Variants in RPS6KA2 observed in about 807,000 individuals in gnomAD.
The protein encoded by RPS6KA2 is ribosomal protein S6 kinase A2.
In RPS6KA2, 42 loss-of-function variants were observed where a neutral mutation model predicts 91.8. That is an observed-to-expected ratio of 0.46 (90% CI 0.36 to 0.59). The LOEUF is 0.59. Ranked by LOEUF, RPS6KA2 falls within the 20% of genes least tolerant of loss-of-function variation. The pLI is 0.00. For synonymous variants in RPS6KA2, 414 were observed against 393.6 expected (o/e 1.05, Z -0.61); for missense variants, 798 against 978.5 (o/e 0.82, Z 2.46).
intron 1 of RPS6KA2, among the ~76,000 whole-genome samples, chr6:166,597,561 G>T (rs1208403559): frequency 6.6e-6 from 1 of 152,186 alleles, no homozygotes; most frequent in Non-Finnish European, 1.5e-5. Flanking sequence ...AATAAAGATA[G>T]AGGAGACATT....
chr6:166,742,586 C>T (rs776851176), intron 2 of RPS6KA2, among the ~76,000 whole-genome samples: 3 of 152,130 alleles, frequency 2.0e-5, no homozygotes, highest in Non-Finnish European at 2.9e-5. Context: ...GAGGGGAGGA[C>T]GGCTCTAAGC....
chr6:166,776,327 G>C (rs1405506814), intron 2 of RPS6KA2, among the ~76,000 whole-genome samples: 1 of 152,250 alleles, frequency 6.6e-6, no homozygotes, highest in East Asian at 1.9e-4. Flanking sequence ...CTGGAAGAGA[G>C]AGAATGGAGT....
At chr6:166,686,932 G>A (rs950005891) in intron 2 of RPS6KA2, among the ~76,000 whole-genome samples, 1 of 152,224 alleles carries the variant, frequency 6.6e-6, no homozygotes, top group Non-Finnish European at 1.5e-5. Flanking sequence ...AGGGGTGAGG[G>A]GAGAATAGGA....
At chr6:166,636,533 CTCCTCCTCCTCCTCCTTCTCCTCT>C in intron 2 of RPS6KA2, among the ~76,000 whole-genome samples, 1 of 152,062 alleles carries the variant, frequency 6.6e-6, no homozygotes, top group Admixed American at 6.5e-5. Context: ...CCACATATTT[CTCCTCCTCCTCCTCCTTCTCCTCT>C]TCCTCTTCCT....
intron 1 of RPS6KA2, among the ~76,000 whole-genome samples, chr6:166,618,209 A>C (rs1358702414): frequency 2.6e-5 from 4 of 152,086 alleles, no homozygotes; most frequent in African/African-American, 7.2e-5. Flanking sequence ...TGTGCAGCAC[A>C]CTCCTCTCTT....
intron 1 of RPS6KA2, among the ~76,000 whole-genome samples, chr6:166,620,074 T>C (rs1786570140): frequency 6.6e-6 from 1 of 152,208 alleles, no homozygotes; most frequent in Non-Finnish European, 1.5e-5. Context: ...GCACTTCGAG[T>C]GCAGAGACTG....
At chr6:166,536,564 G>A (rs1185447001) in intron 2 of RPS6KA2, among the ~76,000 whole-genome samples, 1 of 152,156 alleles carries the variant, frequency 6.6e-6, no homozygotes, top group South Asian at 2.1e-4. Flanking sequence ...TCTGAGCAAC[G>A]CTTTTGAGAA....
rs746027557 is a variant in RPS6KA2 at position 166,538,802 on chromosome 6, G to A, written c.100-18C>T. 9.8e-5 allele frequency: 138 copies of A among 1,412,628 alleles called. No individual in the cohort carries two copies. Among genetic ancestry groups the A allele is most frequent in the Non-Finnish European group, 1.3e-4 (130 of 997,934 alleles). The allele number at this position is 1,412,628 out of a possible 1,614,324, so 87.5% of individuals were successfully genotyped here. A position where few individuals can be genotyped will look rare whatever the true frequency, so the allele number is the denominator to read the frequency against. On this transcript the variant is annotated intron_variant, in intron 1 of 20. Transcript: ENST00000265678. ...CCTTCTTCCTGCAAGAGAGCGGCAC[G>A]GGTGAGAAACACACCGCGAGGAGTC...
At chr6:166,835,426 A>T (rs1462365967) in intron 2 of RPS6KA2, among the ~76,000 whole-genome samples, 1 of 152,186 alleles carries the variant, frequency 6.6e-6, no homozygotes, top group Non-Finnish European at 1.5e-5. Context: ...AGCCTGCATT[A>T]TTCATTTAGA....
rs191321106 is a variant in RPS6KA2, at chr6:166,834,914, G to A, written c.123+23286C>T. Among the ~76,000 whole-genome samples the A allele has an allele frequency of 3.2e-3, 489 of 152,052 alleles. 2 individuals carry two copies. Among genetic ancestry groups the A allele is most frequent in the South Asian group, 7.1e-3 (34 of 4,820 alleles). ...ATCTAGAAAACTTTTGCCTAAACCA[G>A]CGATGATTTATTCTATCAGTGTTAT... On this transcript the variant is annotated intron_variant, in intron 2 of 21. Transcript: ENST00000503859.
rs1005947553 is a variant in RPS6KA2 at position 166,609,864 on chromosome 6, C to T, written c.99+17057G>A. Among the ~76,000 whole-genome samples the T allele has an allele frequency of 7.9e-5, 12 of 151,964 alleles. No individual in the cohort carries two copies. The South Asian group carries it at 1.7e-3, about 21-fold the overall frequency. On this transcript the variant is annotated intron_variant, in intron 1 of 20. Coordinates refer to ENST00000265678, the MANE Select transcript of RPS6KA2 (RefSeq NM_021135.6). ...TATATTTTATTAATCTGTAATTACT[C>T]GAAAATGGGAAATTTACAAACTGGA... is the stretch of plus-strand genomic sequence containing the variant.
chr6:166,721,020 T>C (rs532802166), intron 2 of RPS6KA2, among the ~76,000 whole-genome samples: 176 of 152,330 alleles, frequency 1.2e-3, no homozygotes, highest in African/African-American at 3.8e-3. Flanking sequence ...GAAATGGAAA[T>C]GACCCCACTA....
chr6:166,636,248 C>T (rs760359512), intron 2 of RPS6KA2, among the ~76,000 whole-genome samples: 15 of 152,146 alleles, frequency 9.9e-5, no homozygotes, highest in Non-Finnish European at 2.1e-4. Context: ...TGTTCCAGCT[C>T]GCTCTCAAGC....
At chr6:166,583,213 G>A (rs1339026577) in intron 1 of RPS6KA2, among the ~76,000 whole-genome samples, 1 of 152,198 alleles carries the variant, frequency 6.6e-6, no homozygotes, top group Non-Finnish European at 1.5e-5. Flanking sequence ...TAAAAGTGCT[G>A]AATTCTTGCT....
At chr6:166,634,791 G>A (rs1172989164) in intron 2 of RPS6KA2, among the ~76,000 whole-genome samples, 4 of 152,090 alleles carry the variant, frequency 2.6e-5, no homozygotes, top group African/African-American at 9.7e-5. Context: ...TAGTAGAGAT[G>A]GGGTTTTGCC....
At chr6:166,504,480 G>A in intron 6 of RPS6KA2, 26 bp downstream of exon 6, 1 of 1,424,490 alleles carries the variant, frequency 7.0e-7, no homozygotes, top group Non-Finnish European at 9.8e-7. Flanking sequence ...GCGTGGGGAA[G>A]TCAGCCCTAG....
intron 2 of RPS6KA2, among the ~76,000 whole-genome samples, chr6:166,766,575 A>G (rs1198879477): frequency 1.3e-5 from 2 of 152,150 alleles, no homozygotes; most frequent in African/African-American, 4.8e-5. Flanking sequence ...TAAAACTTTG[A>G]TGTACTGTTT....
chr6:166,433,844 C>T lies in RPS6KA2; in HGVS notation c.1333-1354G>A, dbSNP rs1050427061. ...AGCATAGTTCACTGCAACATCAAACCCCTGGGCTCAAGTGATCCTCCTGCC... is the reference window on the plus strand; with the variant it reads ...AGCATAGTTCACTGCAACATCAAACTCCTGGGCTCAAGTGATCCTCCTGCC... On this transcript the variant is annotated intron_variant, in intron 14 of 20. Transcript: ENST00000265678. The surrounding 1 kb of genome is among the most constrained non-coding windows in gnomAD (Gnocchi z 4.4). Among the ~76,000 whole-genome samples the T allele has an allele frequency of 1.3e-5, 2 of 152,050 alleles. No homozygotes were observed. Among genetic ancestry groups the T allele is most frequent in the East Asian group, 1.9e-4 (1 of 5,182 alleles).
In RPS6KA2 at chr6:166,490,852, T is replaced by C; in HGVS notation, c.748-111A>G. On this transcript the variant is annotated intron_variant, in intron 8 of 20. Coordinates refer to ENST00000265678, the MANE Select transcript of RPS6KA2 (RefSeq NM_021135.6). This position sits in a 1 kb window ranked among gnomAD's most constrained non-coding sequence, Gnocchi z 4.2. Reference sequence around the variant, plus strand: ...ACCGTGTCCATTTCCTCATGCAAAATCTCCATCAGTCAATTGTAGCCACTG... The same window carrying C: ...ACCGTGTCCATTTCCTCATGCAAAACCTCCATCAGTCAATTGTAGCCACTG... 2 of 751,366 alleles carry C rather than the reference T, an allele frequency of 2.7e-6. No homozygotes were observed. The highest frequency in any genetic ancestry group is 1.7e-5 in the South Asian group (1 of 60,490). 46.5% of individuals were successfully genotyped at this position (751,366 alleles called of 1,614,324 possible).
Sources: allele counts gnomAD v4.1 joint callset (sites outside exome capture counted in the v4.1 genomes callset), GRCh38; gene constraint gnomAD v4.1.1; non-coding constraint Gnocchi (gnomAD v3.1); transcripts MANE v1.5; gene names NCBI Gene and HGNC (gene_info 2026-07-23, HGNC 2026-07-21).